MACROD2: variants seen among roughly 807,000 people sequenced by gnomAD.
MACROD2 encodes the protein ADP-ribose glycohydrolase MACROD2.
MACROD2 carries 36 observed loss-of-function variants against 70.4 expected under a neutral mutation model. That is an observed-to-expected ratio of 0.51 (90% CI 0.39 to 0.68). The LOEUF is 0.68. Among genes scored for constraint, MACROD2 ranks in the 30% least tolerant of loss-of-function variants. MACROD2 has a pLI of 0.00. For missense variants in MACROD2, 496 were observed against 538.4 expected, an observed-to-expected ratio of 0.92 and a Z score of 0.78; for synonymous variants, 172 against 178.8, an observed-to-expected ratio of 0.96 and a Z score of 0.30.
intron 8 of MACROD2, among the ~76,000 whole-genome samples, chr20:15,545,335 T>C (rs562348788): frequency 6.6e-6 from 1 of 152,336 alleles, no homozygotes; most frequent in South Asian, 2.1e-4. Context: ...AAATCACTGG[T>C]TTGCAACTTC....
intron 3 of MACROD2, among the ~76,000 whole-genome samples, chr20:14,288,852 T>C (rs536133882): frequency 1.8e-4 from 28 of 152,312 alleles, no homozygotes; most frequent in Middle Eastern, 3.4e-3. Context: ...ATCGTGGCAA[T>C]ACTTGTATGT....
chr20:14,724,635 G>A (rs1369605175), intron 5 of MACROD2, among the ~76,000 whole-genome samples: 2 of 152,138 alleles, frequency 1.3e-5, no homozygotes, highest in Non-Finnish European at 2.9e-5. Context: ...GAGCATTCAA[G>A]CAAAGGAAAC....
chr20:14,435,353 A>C (rs1339197776), intron 3 of MACROD2, among the ~76,000 whole-genome samples: 1 of 152,120 alleles, frequency 6.6e-6, no homozygotes, highest in Non-Finnish European at 1.5e-5. Flanking sequence ...TCTTAACTAC[A>C]TCTGCAAAGA....
intron 6 of MACROD2, among the ~76,000 whole-genome samples, chr20:15,392,697 G>T: frequency 6.6e-6 from 1 of 151,532 alleles, no homozygotes. Flanking sequence ...CCTTCTTTTT[G>T]TTCTCTCTCT....
At chr20:14,629,051 C>T (rs1984355184) in intron 4 of MACROD2, 1 of 152,124 alleles carries the variant, frequency 6.6e-6, no homozygotes, top group Admixed American at 6.5e-5. Flanking sequence ...CCTAATATGC[C>T]ATATGCATCA....
chr20:14,756,501 T>A (rs923507846), intron 5 of MACROD2, among the ~76,000 whole-genome samples: 1 of 152,102 alleles, frequency 6.6e-6, no homozygotes, highest in African/African-American at 2.4e-5. Flanking sequence ...ATATCCCTGG[T>A]ACTAATAGTT....
intron 10 of MACROD2, among the ~76,000 whole-genome samples, chr20:15,908,629 T>G (rs2065185063): frequency 6.6e-6 from 1 of 152,232 alleles, no homozygotes; most frequent in Admixed American, 6.5e-5. Flanking sequence ...TTCTTTATGC[T>G]TCTCTTTTTC....
In MACROD2 at chr20:14,682,180, T is replaced by G. The variant is rs2070940376; in HGVS notation, c.302-2663T>G. 2.0e-5 allele frequency among the ~76,000 whole-genome samples: 3 copies of G among 152,146 alleles called. No homozygotes were observed. In the South Asian group the frequency reaches 6.2e-4, roughly 32 times the overall value. ...AATGCAGGTAATATTTGACAGCATA[T>G]GATTAAGTATACTAGGAAATCCTAT... is the stretch of plus-strand genomic sequence containing the variant. On this transcript the variant is annotated intron_variant, in intron 4 of 17. Transcript: ENST00000684519.
intron 3 of MACROD2, among the ~76,000 whole-genome samples, chr20:14,190,183 T>C (rs1028652249): frequency 6.6e-6 from 1 of 152,192 alleles, no homozygotes; most frequent in African/African-American, 2.4e-5. Context: ...CTCTAATTCT[T>C]CATCTGCAAA....
chr20:15,145,960 A>G (rs181839044), intron 5 of MACROD2, among the ~76,000 whole-genome samples: 148 of 152,254 alleles, frequency 9.7e-4, no homozygotes, highest in Admixed American at 3.2e-3. Flanking sequence ...ACATATTAAT[A>G]GTATAAATAT....
At chr20:15,359,820 G>A (rs1037513788) in intron 6 of MACROD2, among the ~76,000 whole-genome samples, 2 of 152,120 alleles carry the variant, frequency 1.3e-5, no homozygotes, top group African/African-American at 4.8e-5. Flanking sequence ...TTCCTTGACT[G>A]ATTCATTTTG....
chr20:14,696,377 T>C (rs2123623179), intron 5 of MACROD2, among the ~76,000 whole-genome samples: 1 of 152,310 alleles, frequency 6.6e-6, no homozygotes, highest in East Asian at 1.9e-4. Flanking sequence ...TTACTGTTTC[T>C]ATTTTGGGGG....
intron 7 of MACROD2, among the ~76,000 whole-genome samples, chr20:15,460,179 G>A (rs2046788390): frequency 6.6e-6 from 1 of 152,174 alleles, no homozygotes; most frequent in African/African-American, 2.4e-5. Context: ...GAACCCAAGA[G>A]TGATGTCAAC....
chr20:14,877,900 T>C (rs1376131737), intron 5 of MACROD2, among the ~76,000 whole-genome samples: 1 of 152,122 alleles, frequency 6.6e-6, no homozygotes, highest in African/African-American at 2.4e-5. Flanking sequence ...GATTTTTGTG[T>C]CTACGTTCAT....
intron 5 of MACROD2, among the ~76,000 whole-genome samples, chr20:15,195,615 G>A (rs192443260): frequency 3.7e-4 from 56 of 152,284 alleles, no homozygotes; most frequent in Middle Eastern, 3.4e-3. Flanking sequence ...AAAAAGGAAC[G>A]CTGTTACACT....
chr20:14,196,826 A>G (rs1238148132), intron 3 of MACROD2, among the ~76,000 whole-genome samples: 2 of 152,234 alleles, frequency 1.3e-5, no homozygotes, highest in East Asian at 1.9e-4. Context: ...TTAGTTTTAC[A>G]TAATAAAGCT....
chr20:15,178,570 C>A (rs900485805), intron 5 of MACROD2, among the ~76,000 whole-genome samples: 1 of 152,198 alleles, frequency 6.6e-6, no homozygotes, highest in Non-Finnish European at 1.5e-5. Flanking sequence ...AAGATGCTTT[C>A]TCTCTTTTAA....
chr20:14,884,862 A>T (rs2073653999), intron 5 of MACROD2, among the ~76,000 whole-genome samples: 2 of 152,092 alleles, frequency 1.3e-5, no homozygotes. Flanking sequence ...ACAACCCTTT[A>T]CTTTAACCCA....
intron 5 of MACROD2, among the ~76,000 whole-genome samples, chr20:15,137,257 C>T (rs1175619823): frequency 6.6e-6 from 1 of 151,748 alleles, no homozygotes; most frequent in Non-Finnish European, 1.5e-5. Flanking sequence ...GACACATGCA[C>T]ACGTATGTTT....
Sources: gnomAD v4.1 joint callset for allele counts (sites outside exome capture counted in the v4.1 genomes callset) on GRCh38, gnomAD v4.1.1 for gene constraint, MANE v1.5 for transcripts, NCBI Gene and HGNC (gene_info 2026-07-23, HGNC 2026-07-21) for gene names.